Variants in SLC5A3 observed in about 807,000 individuals in gnomAD.
SLC5A3 encodes the protein solute carrier family 5 member 3, also known as sodium/myo-inositol cotransporter.
SLC5A3 carries 10 observed loss-of-function variants against 43.2 expected under a neutral mutation model. The observed-to-expected ratio is 0.23, with a 90% CI of 0.14 to 0.39. The LOEUF (loss-of-function observed/expected upper bound fraction) is 0.39. Ranked by LOEUF, SLC5A3 falls within the 10% of genes least tolerant of loss-of-function variation. The pLI is 1.00. For missense variants in SLC5A3, 608 were observed against 893.4 expected, an observed-to-expected ratio of 0.68 and a Z score of 4.07; for synonymous variants, 349 against 322.0, an observed-to-expected ratio of 1.08 and a Z score of -0.90.
chr21:34,102,178 C>T lies in SLC5A3; in HGVS notation c.*4823C>T, dbSNP rs1268701562. On this transcript the variant is annotated 3_prime_UTR_variant, in exon 2 of 2. Transcript: ENST00000381151. ...TTGTTGGAATACTTTAGCTGTTCAG[C>T]TACTTTGACTCCTAGGAGAGAATTT... The T allele has an allele frequency of 1.0e-6, 1 of 999,818 alleles. No individual in the cohort carries two copies. The highest frequency in any genetic ancestry group is 1.2e-6 in the Non-Finnish European group (1 of 829,782). The allele number at this position is 999,818 out of a possible 1,614,324, so 61.9% of individuals were successfully genotyped here. A position where few individuals can be genotyped will look rare whatever the true frequency, so the allele number is the denominator to read the frequency against.
rs1270631476 is a variant in SLC5A3, at chr21:34,101,061, T to C, written c.*3706T>C. 1.0e-6 allele frequency: 1 copy of C among 1,000,068 alleles called. No individual in the cohort carries two copies. The highest frequency in any genetic ancestry group is 1.2e-6 in the Non-Finnish European group (1 of 829,940). The allele number at this position is 1,000,068 out of a possible 1,614,324, so 61.9% of individuals were successfully genotyped here. ...TTTCCTAGGTTTGGATAGAGAGATG[T>C]ATACAAGACCTTTCCTGTTAAATTA... On this transcript the variant is annotated 3_prime_UTR_variant, in exon 2 of 2. Coordinates refer to ENST00000381151, the MANE Select transcript of SLC5A3 (RefSeq NM_006933.7).
At chr21:34,090,208 C>A (rs1381139343) in intron 1 of SLC5A3, among the ~76,000 whole-genome samples, 1 of 152,150 alleles carries the variant, frequency 6.6e-6, no homozygotes, top group African/African-American at 2.4e-5. Flanking sequence ...ATTAGGAAAA[C>A]CTGTTTTGCT....
Position 34,103,591 on chromosome 21 carries a change from A to T in SLC5A3, c.*6236A>T. 1 of 1,000,242 alleles carries T rather than the reference A, an allele frequency of 1.0e-6. No individual in the cohort carries two copies. The highest frequency in any genetic ancestry group is 1.2e-6 in the Non-Finnish European group (1 of 829,944). 62.0% of individuals were successfully genotyped at this position (1,000,242 alleles called of 1,614,324 possible). A position where few individuals can be genotyped will look rare whatever the true frequency, so the allele number is the denominator to read the frequency against. ...AGAAAGCACAAAATCGTGTTCACAC[A>T]TTAGTGTACCCACACATAGAAAGCA... On this transcript the variant is annotated 3_prime_UTR_variant, in exon 2 of 2. Coordinates refer to ENST00000381151, the MANE Select transcript of SLC5A3 (RefSeq NM_006933.7).
At chr21:34,074,042 C>T (rs1252128741) in intron 1 of SLC5A3, among the ~76,000 whole-genome samples, 2 of 146,420 alleles carry the variant, frequency 1.4e-5, no homozygotes, top group African/African-American at 4.9e-5. Context: ...CGGGCCCCGA[C>T]CCCGATCCCG....
chr21:34,092,044 T>C (rs1978723295), intron 1 of SLC5A3, among the ~76,000 whole-genome samples: 1 of 152,130 alleles, frequency 6.6e-6, no homozygotes, highest in African/African-American at 2.4e-5. Context: ...CCATGTGTAT[T>C]CTTATAAAAA....
chr21:34,098,387 GAT>G lies in SLC5A3; in HGVS notation c.*1037_*1038del. The stretch of plus-strand genomic sequence containing the variant: ...GGATTGCTCTACTTGATTAGATCAT[GAT>G]ATATCAAGGTTGAATTTTTAGAGGG... On this transcript the variant is annotated 3_prime_UTR_variant, in exon 2 of 2. Coordinates refer to ENST00000381151, the MANE Select transcript of SLC5A3 (RefSeq NM_006933.7). 1.0e-6 allele frequency: 1 copy of G among 1,000,216 alleles called. No individual in the cohort carries two copies. The highest frequency in any genetic ancestry group is 4.7e-5 in the South Asian group (1 of 21,282). The allele number at this position is 1,000,216 out of a possible 1,614,324, so 62.0% of individuals were successfully genotyped here. A position where few individuals can be genotyped will look rare whatever the true frequency, so the allele number is the denominator to read the frequency against.
In SLC5A3 at chr21:34,098,469, T is replaced by C. The variant is rs1471257811; in HGVS notation, c.*1114T>C. The C allele has an allele frequency of 4.0e-6, 4 of 1,000,160 alleles. No homozygotes were observed. The African/African-American group carries it at 7.0e-5, about 17-fold the overall frequency. The allele number at this position is 1,000,160 out of a possible 1,614,324, so 62.0% of individuals were successfully genotyped here. A position where few individuals can be genotyped will look rare whatever the true frequency, so the allele number is the denominator to read the frequency against. On this transcript the variant is annotated 3_prime_UTR_variant, in exon 2 of 2. Coordinates refer to ENST00000381151, the MANE Select transcript of SLC5A3 (RefSeq NM_006933.7). ...CTTGATAAGTTTTTCCCTGATTTTT[T>C]TTTTCCTCAAAAGACTTTCCATCTG...
chr21:34,079,269 T>C (rs936774130), intron 1 of SLC5A3, among the ~76,000 whole-genome samples: 1 of 152,230 alleles, frequency 6.6e-6, no homozygotes, highest in Admixed American at 6.5e-5. Flanking sequence ...AAAGTTACAT[T>C]GGAACATGAC....
intron 1 of SLC5A3, among the ~76,000 whole-genome samples, chr21:34,087,769 C>T (rs761765541): frequency 9.2e-5 from 14 of 152,282 alleles, no homozygotes; most frequent in African/African-American, 1.9e-4. Context: ...GGGCCAAGGG[C>T]AGAAGCATGG....
Position 34,099,629 on chromosome 21 carries a change from A to T in SLC5A3, c.*2274A>T. ...TTTTTTTTTTCTCCCTTTATTTAAC[A>T]TTGAGTCCTAGTAGTTTGGAGAATT... On this transcript the variant is annotated 3_prime_UTR_variant, in exon 2 of 2. Transcript: ENST00000381151. 1.0e-6 allele frequency: 1 copy of T among 998,622 alleles called. No individual in the cohort carries two copies. Among genetic ancestry groups the T allele is most frequent in the Non-Finnish European group, 1.2e-6 (1 of 829,642 alleles). 61.9% of individuals were successfully genotyped at this position (998,622 alleles called of 1,614,324 possible).
chr21:34,096,770 C>T lies in SLC5A3; in HGVS notation c.1572C>T (p.Leu524=), dbSNP rs745713093. 6.2e-7 allele frequency: 1 copy of T among 1,613,890 alleles called. No homozygotes were observed. The highest frequency in any genetic ancestry group is 8.5e-7 in the Non-Finnish European group (1 of 1,179,986). ...CAGGATTGTTTTGGGTCACGGGACT[C>T]ATTACTGTAATTGTGAGCCTTCTCA... is the stretch of plus-strand genomic sequence containing the variant. ...VATGLFWVTG[L]ITVIVSLLTP... is the part of the protein sequence containing the mutation. The change falls in exon 2 of 2, where the codon CTC becomes CTT. Residue 524 remains leucine (L), a synonymous_variant. Coordinates refer to ENST00000381151, the MANE Select transcript of SLC5A3 (RefSeq NM_006933.7). The surrounding 1 kb of genome is among the most constrained non-coding windows in gnomAD (Gnocchi z 5.9).
Position 34,099,098 on chromosome 21 carries a change from T to C in SLC5A3, c.*1743T>C. The stretch of plus-strand genomic sequence containing the variant: ...CAGGTAGCATAGTGTCTTCCCATGA[T>C]CAGGAGGCTTTCTGAAGGACTGAGT... On this transcript the variant is annotated 3_prime_UTR_variant, in exon 2 of 2. Transcript: ENST00000381151. 7.0e-6 allele frequency: 7 copies of C among 999,782 alleles called. No homozygotes were observed. The highest frequency in any genetic ancestry group is 7.2e-6 in the Non-Finnish European group (6 of 829,802). 61.9% of individuals were successfully genotyped at this position (999,782 alleles called of 1,614,324 possible).
chr21:34,096,794 C>T lies in SLC5A3; in HGVS notation c.1596C>T (p.Leu532=). 2 of 1,614,038 alleles carry T rather than the reference C, an allele frequency of 1.2e-6. No homozygotes were observed. Among genetic ancestry groups the T allele is most frequent in the South Asian group, 1.1e-5 (1 of 91,078 alleles). ...TCATTACTGTAATTGTGAGCCTTCT[C>T]ACACCACCTCCCACAAAGGAACAGA... ...TGLITVIVSL[L]TPPPTKEQIR... is the part of the protein sequence containing the mutation. The change falls in exon 2 of 2, where the codon CTC becomes CTT. Residue 532 remains leucine (L), a synonymous_variant. Transcript: ENST00000381151. The surrounding 1 kb of genome is among the most constrained non-coding windows in gnomAD (Gnocchi z 5.9).
chr21:34,080,153 C>T (rs1322505018), intron 1 of SLC5A3, among the ~76,000 whole-genome samples: 1 of 152,122 alleles, frequency 6.6e-6, no homozygotes, highest in Admixed American at 6.6e-5. Context: ...AATATATGTC[C>T]TTGAGATACT....
chr21:34,085,266 C>T lies in SLC5A3; in HGVS notation c.-336-9597C>T, dbSNP rs1043240000. 4.6e-5 allele frequency among the ~76,000 whole-genome samples: 7 copies of T among 152,190 alleles called. No homozygotes were observed. In the South Asian group the frequency reaches 1.2e-3, roughly 27 times the overall value. On this transcript the variant is annotated intron_variant, in intron 1 of 1. Coordinates refer to ENST00000381151, the MANE Select transcript of SLC5A3 (RefSeq NM_006933.7). ...CTCACTTTGGAGTTGACTGTAGTTG[C>T]GTTTTCATGATTAGAGTTAGATTAG...
rs992161123 is a variant in SLC5A3, at chr21:34,105,089, A to AT, written c.*7742dup. The AT allele has an allele frequency of 8.0e-6, 8 of 999,610 alleles. No individual in the cohort carries two copies. The highest frequency in any genetic ancestry group is 5.2e-5 in the African/African-American group (3 of 57,166). The allele number at this position is 999,610 out of a possible 1,614,324, so 61.9% of individuals were successfully genotyped here. A position where few individuals can be genotyped will look rare whatever the true frequency, so the allele number is the denominator to read the frequency against. Reference sequence around the variant, plus strand: ...GGGGTTATTAAAATGCAAAAGCTTTATTTTTTTTAATAATGCCATACTCCA... The same window carrying AT: ...GGGGTTATTAAAATGCAAAAGCTTTATTTTTTTTTAATAATGCCATACTCCA... On this transcript the variant is annotated 3_prime_UTR_variant, in exon 2 of 2. Coordinates refer to ENST00000381151, the MANE Select transcript of SLC5A3 (RefSeq NM_006933.7).
Position 34,103,405 on chromosome 21 carries a change from G to C in SLC5A3, c.*6050G>C. 5.0e-6 allele frequency: 5 copies of C among 995,298 alleles called. No individual in the cohort carries two copies. Among genetic ancestry groups the C allele is most frequent in the Non-Finnish European group, 6.0e-6 (5 of 827,396 alleles). 61.7% of individuals were successfully genotyped at this position (995,298 alleles called of 1,614,324 possible). A position where few individuals can be genotyped will look rare whatever the true frequency, so the allele number is the denominator to read the frequency against. ...TGAAACCAGGTAGTTCTGTATTTGTGTTGTAGCCTAAATGTTGTTTCTTTT... is the reference window on the plus strand; with the variant it reads ...TGAAACCAGGTAGTTCTGTATTTGTCTTGTAGCCTAAATGTTGTTTCTTTT... On this transcript the variant is annotated 3_prime_UTR_variant, in exon 2 of 2. Coordinates refer to ENST00000381151, the MANE Select transcript of SLC5A3 (RefSeq NM_006933.7).
In SLC5A3 at chr21:34,097,195, G is replaced by C; in HGVS notation, c.1997G>C (p.Ser666Thr). ...KFIDWFCGFK[S>T]KSLSKRSLRD... ...ATAGACTGGTTTTGTGGCTTTAAAA[G>C]TAAGAGCCTCAGCAAGAGGAGTCTC... Residue 666 changes from serine (S) to threonine (T), a missense_variant, in exon 2 of 2, where the codon AGT becomes ACT. Coordinates refer to ENST00000381151, the MANE Select transcript of SLC5A3 (RefSeq NM_006933.7). The C allele has an allele frequency of 6.2e-7, 1 of 1,614,112 alleles. No individual in the cohort carries two copies. The highest frequency in any genetic ancestry group is 8.5e-7 in the Non-Finnish European group (1 of 1,179,970).
rs1979198223 is a variant in SLC5A3 at position 34,100,720 on chromosome 21, C to G, written c.*3365C>G. ...CTTGAGGCTAAGCAAGGGGTTAACT[C>G]TTGTGAGAGCCAATAGAGTGTGTCT... On this transcript the variant is annotated 3_prime_UTR_variant, in exon 2 of 2. Transcript: ENST00000381151. The G allele has an allele frequency of 1.0e-6, 1 of 999,946 alleles. No homozygotes were observed. The highest frequency in any genetic ancestry group is 4.7e-5 in the South Asian group (1 of 21,226). 61.9% of individuals were successfully genotyped at this position (999,946 alleles called of 1,614,324 possible). A position where few individuals can be genotyped will look rare whatever the true frequency, so the allele number is the denominator to read the frequency against.
Sources: allele counts gnomAD v4.1 joint callset (sites outside exome capture counted in the v4.1 genomes callset), GRCh38; gene constraint gnomAD v4.1.1; non-coding constraint Gnocchi (gnomAD v3.1); transcripts MANE v1.5; gene names NCBI Gene and HGNC (gene_info 2026-07-23, HGNC 2026-07-21).